The following FHIT variants were observed in gnomAD, a reference collection of about 807,000 sequenced individuals.
FHIT encodes bis(5'-adenosyl)-triphosphatase.
Under a neutral mutation model 17.9 loss-of-function variants are expected in FHIT, and 19 were observed. The observed-to-expected ratio is 1.06, with a 90% confidence interval of 0.74 to 1.56. The LOEUF (loss-of-function observed/expected upper bound fraction) is 1.56, where lower values mean the gene tolerates loss of function less well. Among genes scored for constraint, FHIT ranks in the 40% most tolerant of loss-of-function variants. The pLI is 0.00. For synonymous variants in FHIT, 81 were observed against 69.7 expected (o/e 1.16, Z -0.81); for missense variants, 248 against 189.2 (o/e 1.31, Z -1.82).
At chr3:59,868,951 A>G (rs1157351274) in intron 8 of FHIT, among the ~76,000 whole-genome samples, 3 of 152,212 alleles carry the variant, frequency 2.0e-5, no homozygotes, top group Non-Finnish European at 4.4e-5. Flanking sequence ...CGCTGTGGCC[A>G]AGGGACAGTG....
intron 4 of FHIT, among the ~76,000 whole-genome samples, chr3:60,546,015 CCTTGGT>C (rs1423208328): frequency 6.6e-6 from 1 of 152,078 alleles, no homozygotes; most frequent in Non-Finnish European, 1.5e-5. Flanking sequence ...CATTTCACTC[CCTTGGT>C]CTTCTTATTC....
chr3:60,427,473 C>T (rs914723485), intron 5 of FHIT, among the ~76,000 whole-genome samples: 2 of 152,086 alleles, frequency 1.3e-5, no homozygotes, highest in Non-Finnish European at 2.9e-5. Context: ...AATATTCCAG[C>T]CCATGAAAAT....
intron 2 of FHIT, among the ~76,000 whole-genome samples, chr3:61,187,259 T>C (rs2038545578): frequency 2.0e-5 from 3 of 152,110 alleles, no homozygotes; most frequent in Admixed American, 6.6e-5. Context: ...TAGGTACATA[T>C]GCAAAGACAA....
intron 4 of FHIT, among the ~76,000 whole-genome samples, chr3:60,570,063 A>G (rs967165392): frequency 6.6e-6 from 1 of 152,070 alleles, no homozygotes; most frequent in Non-Finnish European, 1.5e-5. Flanking sequence ...CTATGCCACA[A>G]ATCAATTATA....
At chr3:60,890,221 TAAAAAAAAAAA>T (rs59950717) in intron 3 of FHIT, among the ~76,000 whole-genome samples, 70 of 115,626 alleles carry the variant, frequency 6.1e-4, no homozygotes, top group Non-Finnish European at 6.7e-4. Context: ...TTCCATGATG[TAAAAAAAAAAA>T]AAAAAAAAAA....
chr3:60,001,187 A>G (rs1490660980), intron 7 of FHIT, among the ~76,000 whole-genome samples: 3 of 152,230 alleles, frequency 2.0e-5, no homozygotes, highest in Non-Finnish European at 2.9e-5. Context: ...AAGACAATAC[A>G]CTGAGAGTTT....
intron 7 of FHIT, among the ~76,000 whole-genome samples, chr3:59,937,446 G>A (rs1211328402): frequency 6.6e-6 from 1 of 152,136 alleles, no homozygotes; most frequent in Non-Finnish European, 1.5e-5. Flanking sequence ...TGGTGGGTTG[G>A]CACAATTTAT....
chr3:60,469,705 G>C (rs931874776), intron 5 of FHIT, among the ~76,000 whole-genome samples: 2 of 152,076 alleles, frequency 1.3e-5, no homozygotes, highest in African/African-American at 4.8e-5. Context: ...TTGATGCTTT[G>C]GGTGTTTGTC....
At chr3:60,055,033 A>C (rs1002455990) in intron 5 of FHIT, among the ~76,000 whole-genome samples, 4 of 152,152 alleles carry the variant, frequency 2.6e-5, no homozygotes, top group Non-Finnish European at 5.9e-5. Context: ...ACAGGAAAAA[A>C]AATACCCTGT....
At chr3:60,189,024 A>G (rs533021647) in intron 5 of FHIT, among the ~76,000 whole-genome samples, 59 of 152,284 alleles carry the variant, frequency 3.9e-4, no homozygotes, top group Admixed American at 3.9e-3. Flanking sequence ...AAGTTGATTC[A>G]CTTAGAGAAC....
intron 3 of FHIT, among the ~76,000 whole-genome samples, chr3:61,016,703 G>A (rs2032127578): frequency 6.6e-6 from 1 of 152,168 alleles, no homozygotes; most frequent in Non-Finnish European, 1.5e-5. Flanking sequence ...ACAAGTCCTG[G>A]ATTTTCATAG....
At chr3:60,027,144 C>CA (rs1366510677) in intron 5 of FHIT, among the ~76,000 whole-genome samples, 2 of 118,148 alleles carry the variant, frequency 1.7e-5, no homozygotes, top group African/African-American at 6.3e-5. Flanking sequence ...CACACACACA[C>CA]ACACAAAATT....
intron 3 of FHIT, among the ~76,000 whole-genome samples, chr3:61,036,905 T>TTTTTTTG (rs2033272800): frequency 8.8e-6 from 1 of 113,072 alleles, no homozygotes; most frequent in African/African-American, 3.0e-5. Context: ...TGCTTTGTTT[T>TTTTTTTG]TTTTTTTTGT....
chr3:60,305,056 G>A (rs1222536321), intron 5 of FHIT, among the ~76,000 whole-genome samples: 3 of 152,086 alleles, frequency 2.0e-5, no homozygotes, highest in African/African-American at 7.2e-5. Flanking sequence ...CCTACCACTC[G>A]TGTCTGTAAG....
At chr3:60,211,398 T>A (rs530185178) in intron 5 of FHIT, among the ~76,000 whole-genome samples, 1 of 152,020 alleles carries the variant, frequency 6.6e-6, no homozygotes, top group Non-Finnish European at 1.5e-5. Context: ...TTATACTACT[T>A]TGAACATACT....
chr3:60,762,146 G>A (rs1377778953), intron 4 of FHIT, among the ~76,000 whole-genome samples: 1 of 152,118 alleles, frequency 6.6e-6, no homozygotes, highest in African/African-American at 2.4e-5. Flanking sequence ...AGAACACCTG[G>A]TGTGGATGAT....
At chr3:60,880,851 T>C (rs1704939294) in intron 3 of FHIT, among the ~76,000 whole-genome samples, 1 of 151,886 alleles carries the variant, frequency 6.6e-6, no homozygotes, top group Non-Finnish European at 1.5e-5. Flanking sequence ...CAATGATAAA[T>C]AATAAGAGAA....
intron 4 of FHIT, among the ~76,000 whole-genome samples, chr3:60,798,257 A>G (rs1553731051): frequency 6.6e-6 from 1 of 152,196 alleles, no homozygotes; most frequent in Admixed American, 6.5e-5. Context: ...TTATAACAAC[A>G]TGACAATTTT....
At chr3:60,374,219 A>G (rs1700450528) in intron 5 of FHIT, among the ~76,000 whole-genome samples, 1 of 152,180 alleles carries the variant, frequency 6.6e-6, no homozygotes, top group Non-Finnish European at 1.5e-5. Context: ...TAATAGTTTA[A>G]TTATAAACAA....
Sources: gnomAD v4.1 joint callset for allele counts (sites outside exome capture counted in the v4.1 genomes callset) on GRCh38, gnomAD v4.1.1 for gene constraint, MANE v1.5 for transcripts, NCBI Gene and HGNC (gene_info 2026-07-23, HGNC 2026-07-21) for gene names.